The following GPHN variants were observed in gnomAD, a reference collection of about 807,000 sequenced individuals.
GPHN encodes the protein gephyrin.
A neutral mutation model predicts 95.5 loss-of-function variants in GPHN; 17 were observed. The observed-to-expected ratio is 0.18, with a 90% CI of 0.12 to 0.27. The LOEUF is 0.27. GPHN is among the 10% of genes least tolerant of loss of function. The pLI is 1.00. For synonymous variants in GPHN, 320 were observed against 322.5 expected, an observed-to-expected ratio of 0.99 and a Z score of 0.08; for missense variants, 660 against 978.1, an observed-to-expected ratio of 0.67 and a Z score of 4.34.
At chr14:66,584,467 G>A (rs1830843415) in intron 1 of GPHN, among the ~76,000 whole-genome samples, 1 of 152,090 alleles carries the variant, frequency 6.6e-6, no homozygotes, top group Non-Finnish European at 1.5e-5. Context: ...TCTTGTGCCA[G>A]TTTTCAAAGG....
At chr14:66,750,461 G>A (rs1439895158) in intron 2 of GPHN, among the ~76,000 whole-genome samples, 1 of 151,878 alleles carries the variant, frequency 6.6e-6, no homozygotes, top group East Asian at 1.9e-4. Flanking sequence ...GACACCAGTA[G>A]TAGCCATGGT....
At chr14:67,655,348 T>C in the GPHN span, among the ~76,000 whole-genome samples, 1 of 152,026 alleles carries the variant, frequency 6.6e-6, no homozygotes, top group Admixed American at 6.6e-5. Flanking sequence ...AAAATTCCTA[T>C]GTAGGTTAAC....
At chr14:67,382,972 AGTT>A in the GPHN span, among the ~76,000 whole-genome samples, 1 of 152,034 alleles carries the variant, frequency 6.6e-6, no homozygotes, top group Non-Finnish European at 1.5e-5. Flanking sequence ...AGTAAGTAGT[AGTT>A]TGAGCCTGGA....
At position 67,107,642 on chromosome 14, in the gene GPHN, T is replaced by C. The variant is rs983456994; in HGVS notation, c.1294-2498T>C. On this transcript the variant is annotated intron_variant, in intron 13 of 22. Transcript: ENST00000478722. The stretch of plus-strand genomic sequence containing the variant: ...ATAAGGTACTGTGTAGTAGTGACCC[T>C]AGACCCCTGGATGGTGGGGCTACGC... 5.1e-4 allele frequency among the ~76,000 whole-genome samples: 78 copies of C among 152,284 alleles called. 1 individual carries two copies. The highest frequency in any genetic ancestry group is 8.8e-5 in the Non-Finnish European group (6 of 68,016).
chr14:67,204,806 C>T, the GPHN span: 10 of 1,613,982 alleles, frequency 6.2e-6, no homozygotes, highest in Admixed American at 3.3e-5. Flanking sequence ...GATGTCACCA[C>T]GTTCACAGCC....
intron 2 of GPHN, among the ~76,000 whole-genome samples, chr14:66,742,907 G>T (rs535269767): frequency 6.6e-6 from 1 of 152,072 alleles, no homozygotes; most frequent in South Asian, 2.1e-4. Flanking sequence ...GACCACAGGC[G>T]CACACCGCCA....
At chr14:66,784,121 A>G (rs2059694021) in intron 3 of GPHN, among the ~76,000 whole-genome samples, 2 of 152,346 alleles carry the variant, frequency 1.3e-5, no homozygotes, top group African/African-American at 4.8e-5. Context: ...TTCAATAAGC[A>G]ACTATGAATT....
At chr14:66,640,326 G>A (rs1335878164) in intron 1 of GPHN, among the ~76,000 whole-genome samples, 1 of 152,144 alleles carries the variant, frequency 6.6e-6, no homozygotes, top group African/African-American at 2.4e-5. Context: ...GGAGGCTGAG[G>A]CAGGAGCATC....
the GPHN span, among the ~76,000 whole-genome samples, chr14:67,389,696 A>G: frequency 1.3e-4 from 20 of 151,974 alleles, no homozygotes; most frequent in Non-Finnish European, 2.4e-4. Flanking sequence ...CTGAGACAGC[A>G]GACTCATCAG....
the GPHN span, among the ~76,000 whole-genome samples, chr14:67,619,282 A>C: frequency 6.6e-6 from 1 of 152,210 alleles, no homozygotes; most frequent in Non-Finnish European, 1.5e-5. Flanking sequence ...CCCGTTATTC[A>C]GGTAAAGAAT....
At chr14:67,167,618 C>T (rs2082359295) in intron 20 of GPHN, among the ~76,000 whole-genome samples, 2 of 152,018 alleles carry the variant, frequency 1.3e-5, no homozygotes, top group African/African-American at 4.8e-5. Context: ...TGCCTTTTGA[C>T]TTGATGATGC....
At chr14:67,167,502 A>G (rs1252763135) in intron 20 of GPHN, among the ~76,000 whole-genome samples, 1 of 152,198 alleles carries the variant, frequency 6.6e-6, no homozygotes, top group Non-Finnish European at 1.5e-5. Flanking sequence ...AACTATTAGT[A>G]TCACTTGTCA....
intron 11 of GPHN, among the ~76,000 whole-genome samples, chr14:67,059,652 T>C (rs1487750264): frequency 6.6e-6 from 1 of 152,202 alleles, no homozygotes; most frequent in Non-Finnish European, 1.5e-5. Flanking sequence ...ATTTACATTC[T>C]TCCTTTTACT....
At chr14:66,598,392 T>TA (rs11295924) in intron 1 of GPHN, among the ~76,000 whole-genome samples, 4 of 151,516 alleles carry the variant, frequency 2.6e-5, no homozygotes, top group Non-Finnish European at 4.4e-5. Context: ...TATAATCAGT[T>TA]AAAAAAAAGT....
intron 1 of GPHN, among the ~76,000 whole-genome samples, chr14:66,532,415 G>A (rs2058978827): frequency 6.6e-6 from 1 of 152,168 alleles, no homozygotes; most frequent in African/African-American, 2.4e-5. Flanking sequence ...GACAGAGGAA[G>A]CAGAAGATGC....
At position 66,508,417 on chromosome 14, in the gene GPHN, T is replaced by A. The variant is rs1050340016; in HGVS notation, c.-111T>A. The A allele has an allele frequency of 5.2e-6, 5 of 959,636 alleles. No homozygotes were observed. In the Admixed American group the frequency reaches 8.5e-5, roughly 16 times the overall value. 59.4% of individuals were successfully genotyped at this position (959,636 alleles called of 1,614,324 possible). On this transcript the variant is annotated 5_prime_UTR_variant, in exon 1 of 23. Transcript: ENST00000478722. Reference sequence around the variant, plus strand: ...CCTCCTTCCCCGCTCTCCTCGCGCTTCTCTGGCTCCCTAGCTGTCGCGCTC... The same window carrying A: ...CCTCCTTCCCCGCTCTCCTCGCGCTACTCTGGCTCCCTAGCTGTCGCGCTC...
chr14:67,280,853 TTCCC>T, the GPHN span, among the ~76,000 whole-genome samples: 289 of 77,524 alleles, frequency 3.7e-3, 2 homozygotes, highest in Non-Finnish European at 4.4e-3. Flanking sequence ...CCTTCCTTCC[TTCCC>T]TCCCTCCCTC....
chr14:67,620,140 C>T, the GPHN span: 2 of 1,336,036 alleles, frequency 1.5e-6, no homozygotes, highest in Non-Finnish European at 2.1e-6. Context: ...CCCCTAGAAC[C>T]TGGAGACAGC....
At chr14:67,458,022 C>T in the GPHN span, among the ~76,000 whole-genome samples, 1 of 152,200 alleles carries the variant, frequency 6.6e-6, no homozygotes, top group Non-Finnish European at 1.5e-5. Flanking sequence ...CTGACACTCC[C>T]CTGCTTCAGC....
Sources: allele counts gnomAD v4.1 joint callset (sites outside exome capture counted in the v4.1 genomes callset), GRCh38; gene constraint gnomAD v4.1.1; transcripts MANE v1.5; gene names NCBI Gene and HGNC (gene_info 2026-07-23, HGNC 2026-07-21).